XKR4: variants seen among roughly 807,000 people sequenced by gnomAD.
XKR4 encodes XK-related protein 4.
A neutral mutation model predicts 53.9 loss-of-function variants in XKR4; 12 were observed. That is an observed-to-expected ratio of 0.22 (90% CI 0.14 to 0.36). The LOEUF (loss-of-function observed/expected upper bound fraction) is 0.36. Ranked by LOEUF, XKR4 falls within the 10% of genes least tolerant of loss-of-function variation. XKR4 has a pLI of 1.00. For missense variants in XKR4, 799 were observed against 859.5 expected (o/e 0.93, Z 0.88); for synonymous variants, 354 against 362.4 (o/e 0.98, Z 0.26).
At chr8:55,455,312 C>A (rs1795257419) in intron 2 of XKR4, among the ~76,000 whole-genome samples, 1 of 151,850 alleles carries the variant, frequency 6.6e-6, no homozygotes, top group Non-Finnish European at 1.5e-5. Flanking sequence ...TCTCAGCCAG[C>A]TGGCCCGCCT....
intron 1 of XKR4, among the ~76,000 whole-genome samples, chr8:55,233,017 T>A (rs1349822940): frequency 6.6e-6 from 1 of 152,202 alleles, no homozygotes; most frequent in Admixed American, 6.5e-5. Context: ...GAATGAAGGA[T>A]GGTGTATCTG....
chr8:55,137,607 C>A (rs1440209126), intron 1 of XKR4, among the ~76,000 whole-genome samples: 1 of 142,338 alleles, frequency 7.0e-6, no homozygotes, highest in African/African-American at 2.7e-5. Context: ...TAGGGGCTTG[C>A]TCTGTTGCCC....
chr8:55,211,769 G>C (rs1387366048), intron 1 of XKR4, among the ~76,000 whole-genome samples: 2 of 152,148 alleles, frequency 1.3e-5, no homozygotes, highest in African/African-American at 4.8e-5. Flanking sequence ...ATTCTTCATT[G>C]TCTTTGTCAT....
chr8:55,358,145 GA>G (rs939657322), intron 2 of XKR4, among the ~76,000 whole-genome samples: 13 of 152,198 alleles, frequency 8.5e-5, no homozygotes, highest in Admixed American at 8.5e-4. Flanking sequence ...TCGATGTGGG[GA>G]TAGAGTCAGT....
intron 1 of XKR4, among the ~76,000 whole-genome samples, chr8:55,290,439 G>C (rs1819003319): frequency 6.6e-6 from 1 of 151,938 alleles, no homozygotes; most frequent in Non-Finnish European, 1.5e-5. Flanking sequence ...TTTATTTTAA[G>C]TTCTGGGATA....
intron 1 of XKR4, among the ~76,000 whole-genome samples, chr8:55,228,638 C>T (rs1200736746): frequency 2.0e-5 from 3 of 152,030 alleles, no homozygotes; most frequent in Admixed American, 6.5e-5. Context: ...TCACTTAAAA[C>T]ATGTAGCAAT....
At chr8:55,353,026 A>T (rs889399500) in intron 1 of XKR4, among the ~76,000 whole-genome samples, 1 of 152,158 alleles carries the variant, frequency 6.6e-6, no homozygotes, top group African/African-American at 2.4e-5. Flanking sequence ...CTTTTATATG[A>T]TTGCAGGAAA....
At position 55,102,915 on chromosome 8, in the gene XKR4, T is replaced by A; in HGVS notation, c.427T>A (p.Trp143Arg). 6.2e-7 allele frequency: 1 copy of A among 1,612,028 alleles called. No individual in the cohort carries two copies. The highest frequency in any genetic ancestry group is 8.5e-7 in the Non-Finnish European group (1 of 1,179,916). Residue 143 changes from tryptophan (W) to arginine (R), a missense_variant, in exon 1 of 3, where the codon TGG becomes AGG. Physicochemically the swap from Trp to Arg is moderately radical, Grantham distance 101. Transcript: ENST00000327381. The surrounding 1 kb of genome is among the most constrained non-coding windows in gnomAD (Gnocchi z 5.1). ...AVDYYLRGQRWWFGLTLFFVV... is the reference protein window; with the variant it reads ...AVDYYLRGQRRWFGLTLFFVV... ...GGACTACTACCTGCGCGGCCAGCGCTGGTGGTTCGGGCTCACGCTCTTCTT... is the reference window on the plus strand; with the variant it reads ...GGACTACTACCTGCGCGGCCAGCGCAGGTGGTTCGGGCTCACGCTCTTCTT...
At chr8:55,435,581 T>TA (rs1327632546) in intron 2 of XKR4, among the ~76,000 whole-genome samples, 1 of 150,462 alleles carries the variant, frequency 6.6e-6, no homozygotes, top group South Asian at 2.1e-4. Context: ...TATTTTTTTT[T>TA]AATTTTGAGA....
intron 2 of XKR4, among the ~76,000 whole-genome samples, chr8:55,511,929 A>G (rs1806631141): frequency 6.6e-6 from 1 of 152,152 alleles, no homozygotes; most frequent in Non-Finnish European, 1.5e-5. Flanking sequence ...ATCCCGGGGC[A>G]TTGAAATGCT....
rs541241865 is a variant in XKR4, at chr8:55,370,210, T to G, written c.1006+12333T>G. On this transcript the variant is annotated intron_variant, in intron 2 of 2. Transcript: ENST00000327381. ...TATTATATAATGTCAAATTGGTCAT[T>G]TTGATGACTATGAAGAGCTCTGTAA... Among the ~76,000 whole-genome samples, 50 of 152,234 alleles carry G rather than the reference T, an allele frequency of 3.3e-4. 1 individual carries two copies. The highest frequency in any genetic ancestry group is 3.3e-4 in the Admixed American group (5 of 15,288).
At position 55,541,029 on chromosome 8, in the gene XKR4, C is replaced by T. The variant is rs1357344600; in HGVS notation, c.*16802C>T. On this transcript the variant is annotated 3_prime_UTR_variant, in exon 3 of 3. Transcript: ENST00000327381. ...GAAACCATTGCACAATATAAACCTG[C>T]TCCCAAATGGCAAGGATTTTTGCTA... The T allele has an allele frequency of 6.6e-6, 1 of 152,148 alleles. No individual in the cohort carries two copies. Among genetic ancestry groups the T allele is most frequent in the Non-Finnish European group, 1.5e-5 (1 of 68,012 alleles). The allele number at this position is 152,148 out of a possible 1,614,324, so 9.4% of individuals were successfully genotyped here. A position where few individuals can be genotyped will look rare whatever the true frequency, so the allele number is the denominator to read the frequency against.
chr8:55,356,557 A>G (rs1803798722), intron 1 of XKR4, among the ~76,000 whole-genome samples: 2 of 149,340 alleles, frequency 1.3e-5, no homozygotes, highest in South Asian at 4.3e-4. Flanking sequence ...TCAGGAAAAT[A>G]TGAACATTGA....
At chr8:55,150,653 A>G (rs926330212) in intron 1 of XKR4, among the ~76,000 whole-genome samples, 7 of 152,152 alleles carry the variant, frequency 4.6e-5, no homozygotes, top group African/African-American at 1.7e-4. Flanking sequence ...AATCCAGTTC[A>G]GATGTTACCA....
intron 1 of XKR4, among the ~76,000 whole-genome samples, chr8:55,139,165 G>A (rs968637920): frequency 1.3e-5 from 2 of 152,318 alleles, no homozygotes; most frequent in African/African-American, 4.8e-5. Context: ...AAAGGGGGCA[G>A]TAATATCAGT....
intron 1 of XKR4, among the ~76,000 whole-genome samples, chr8:55,238,705 CA>C (rs1818168328): frequency 6.6e-6 from 1 of 152,088 alleles, no homozygotes; most frequent in South Asian, 2.1e-4. Flanking sequence ...GGAGGAAGTG[CA>C]GTTCTGTTAT....
chr8:55,275,891 C>G (rs1818756670), intron 1 of XKR4, among the ~76,000 whole-genome samples: 1 of 152,218 alleles, frequency 6.6e-6, no homozygotes, highest in Non-Finnish European at 1.5e-5. Context: ...TGAGCCGGGA[C>G]TGTCCCACCT....
At chr8:55,144,729 C>A (rs1010259530) in intron 1 of XKR4, among the ~76,000 whole-genome samples, 1 of 152,040 alleles carries the variant, frequency 6.6e-6, no homozygotes, top group Non-Finnish European at 1.5e-5. Flanking sequence ...GTGTAAGATG[C>A]CTTAAATGCA....
At chr8:55,335,938 A>G (rs1473972081) in intron 1 of XKR4, among the ~76,000 whole-genome samples, 3 of 151,430 alleles carry the variant, frequency 2.0e-5, no homozygotes, top group East Asian at 2.0e-4. Flanking sequence ...AGAACCATAA[A>G]TGGGTAGCAT....
Sources: gnomAD v4.1 joint callset for allele counts (sites outside exome capture counted in the v4.1 genomes callset) on GRCh38, gnomAD v4.1.1 for gene constraint, Gnocchi (gnomAD v3.1) non-coding constraint, MANE v1.5 for transcripts, NCBI Gene and HGNC (gene_info 2026-07-23, HGNC 2026-07-21) for gene names.